Variants in SLC4A4 observed in about 807,000 individuals in gnomAD.
SLC4A4 encodes the protein solute carrier family 4 member 4, also known as electrogenic sodium bicarbonate cotransporter 1.
Under a neutral mutation model 111.5 loss-of-function variants are expected in SLC4A4, and 27 were observed. The observed-to-expected ratio is 0.24, with a 90% CI of 0.18 to 0.33. The LOEUF (loss-of-function observed/expected upper bound fraction) is 0.33. Ranked by LOEUF, SLC4A4 falls within the 10% of genes least tolerant of loss-of-function variation. SLC4A4 has a pLI of 1.00. For synonymous variants in SLC4A4, 443 were observed against 463.4 expected, an observed-to-expected ratio of 0.96 and a Z score of 0.57; for missense variants, 909 against 1,315.5, an observed-to-expected ratio of 0.69 and a Z score of 4.78.
chr4:71,177,608 C>T (rs1324286817), intron 2 of SLC4A4, among the ~76,000 whole-genome samples: 1 of 152,186 alleles, frequency 6.6e-6, no homozygotes, highest in African/African-American at 2.4e-5. Flanking sequence ...GTAAAGGGAT[C>T]AATTCAACAA....
chr4:71,178,078 T>C (rs939428521), intron 2 of SLC4A4, among the ~76,000 whole-genome samples: 4 of 152,130 alleles, frequency 2.6e-5, no homozygotes, highest in African/African-American at 7.2e-5. Context: ...CCTGAATGAC[T>C]ACTGGGTACA....
intron 2 of SLC4A4, among the ~76,000 whole-genome samples, chr4:71,168,254 T>A (rs1744838161): frequency 6.7e-6 from 1 of 149,960 alleles, no homozygotes; most frequent in Non-Finnish European, 1.5e-5. Context: ...CAATCTCGGT[T>A]CACCGTAACC....
At chr4:71,097,980 T>C (rs2148944466) in intron 2 of SLC4A4, among the ~76,000 whole-genome samples, 1 of 152,350 alleles carries the variant, frequency 6.6e-6, no homozygotes, top group South Asian at 2.1e-4. Context: ...GTTTGTTTAC[T>C]CTGTTGATAG....
intron 3 of SLC4A4, among the ~76,000 whole-genome samples, chr4:71,316,983 A>G (rs1726736406): frequency 6.6e-6 from 1 of 151,924 alleles, no homozygotes; most frequent in Non-Finnish European, 1.5e-5. Flanking sequence ...CAGCCACTCA[A>G]GTAACAGGCT....
Position 71,450,496 on chromosome 4 carries a change from A to G in SLC4A4, c.1161A>G (p.Pro387=). 6.2e-7 allele frequency: 1 copy of G among 1,613,890 alleles called. No individual in the cohort carries two copies. Among genetic ancestry groups the G allele is most frequent in the South Asian group, 1.1e-5 (1 of 91,078 alleles). ...TCCTTCCACCTGGGGAATGGGATCCAGCAATTAGGATAGAGCCTCCTAAGA... is the reference window on the plus strand; with the variant it reads ...TCCTTCCACCTGGGGAATGGGATCCGGCAATTAGGATAGAGCCTCCTAAGA... The part of the protein sequence containing the change: ...VIVLPPGEWD[P]AIRIEPPKSL... The change falls in exon 10 of 26, where the codon CCA becomes CCG. Residue 387 remains proline, a synonymous_variant. Coordinates refer to ENST00000264485, the MANE Select transcript of SLC4A4 (RefSeq NM_001098484.3).
At chr4:71,301,098 A>G in intron 3 of SLC4A4, 1 of 385,474 alleles carries the variant, frequency 2.6e-6, no homozygotes, top group Non-Finnish European at 5.2e-6. Context: ...CTGGAAGGAC[A>G]CCTGGCTGTC....
intron 3 of SLC4A4, among the ~76,000 whole-genome samples, chr4:71,302,939 C>G (rs1473526452): frequency 6.6e-6 from 1 of 152,162 alleles, no homozygotes; most frequent in Non-Finnish European, 1.5e-5. Flanking sequence ...TCCGTTATGT[C>G]TCCTTAGACT....
intron 2 of SLC4A4, among the ~76,000 whole-genome samples, chr4:71,156,605 C>A (rs1405349202): frequency 6.6e-6 from 1 of 150,944 alleles, no homozygotes; most frequent in African/African-American, 2.5e-5. Flanking sequence ...CACACACACA[C>A]ACACACACAT....
intron 2 of SLC4A4, among the ~76,000 whole-genome samples, chr4:71,138,652 C>G (rs1231240517): frequency 6.6e-6 from 1 of 152,198 alleles, no homozygotes; most frequent in Admixed American, 6.5e-5. Flanking sequence ...ACCTTTATCA[C>G]AGTGATTCAC....
chr4:71,117,763 A>C (rs75437667), intron 2 of SLC4A4, among the ~76,000 whole-genome samples: 3,152 of 152,242 alleles, frequency 0.021, 119 homozygotes, highest in African/African-American at 0.073. Flanking sequence ...CTCTCTCTAC[A>C]TATATATAGT....
chr4:71,396,831 T>A (rs1719860210), intron 6 of SLC4A4, among the ~76,000 whole-genome samples: 1 of 152,186 alleles, frequency 6.6e-6, no homozygotes, highest in Non-Finnish European at 1.5e-5. Flanking sequence ...TGCTATATGG[T>A]CAGGGAGATT....
intron 3 of SLC4A4, among the ~76,000 whole-genome samples, chr4:71,285,542 A>T (rs192782694): frequency 3.3e-5 from 5 of 152,304 alleles, no homozygotes; most frequent in Admixed American, 3.3e-4. Flanking sequence ...AAGTATGCTG[A>T]TGTTTAACCC....
At chr4:71,424,389 G>A (rs1233555090) in intron 7 of SLC4A4, among the ~76,000 whole-genome samples, 1 of 151,380 alleles carries the variant, frequency 6.6e-6, no homozygotes, top group Non-Finnish European at 1.5e-5. Context: ...TTACACTGTT[G>A]GTGGGACTGT....
chr4:71,174,547 C>T (rs62302430), intron 2 of SLC4A4, among the ~76,000 whole-genome samples: 2 of 151,918 alleles, frequency 1.3e-5, no homozygotes, highest in Non-Finnish European at 2.9e-5. Flanking sequence ...CGCACCTGGC[C>T]CACACACCAT....
At position 71,560,233 on chromosome 4, in the gene SLC4A4, T is replaced by G; in HGVS notation, c.3078T>G (p.Ser1026Arg). The G allele has an allele frequency of 2.5e-6, 4 of 1,609,198 alleles. No homozygotes were observed. The highest frequency in any genetic ancestry group is 3.4e-6 in the Non-Finnish European group (4 of 1,177,162). Reference protein sequence around the residue: ...DEKKKKKKKGSLDSDNDDSDC... With the variant: ...DEKKKKKKKGRLDSDNDDSDC... ...AGAAAAAGAAAAAGAAGAAGGGAAG[T>G]CTGGACAGTGACAATGATGATGTAA... Residue 1026 changes from serine to arginine, a missense_variant, in exon 23 of 26, where the codon AGT becomes AGG. Physicochemically the swap from Ser to Arg is moderately radical, Grantham distance 110. Transcript: ENST00000264485.
intron 2 of SLC4A4, among the ~76,000 whole-genome samples, chr4:71,156,577 C>T (rs1251926994): frequency 4.0e-5 from 4 of 99,010 alleles, no homozygotes; most frequent in African/African-American, 1.9e-4. Flanking sequence ...CGCGCATGCG[C>T]GCGCGCGCGC....
At chr4:71,181,851 C>T (rs1745304740) in intron 2 of SLC4A4, among the ~76,000 whole-genome samples, 1 of 152,192 alleles carries the variant, frequency 6.6e-6, no homozygotes, top group South Asian at 2.1e-4. Flanking sequence ...AACTCTATCA[C>T]ATCTCTGTGC....
At chr4:71,348,997 A>G (rs951488149) in intron 4 of SLC4A4, among the ~76,000 whole-genome samples, 15 of 152,208 alleles carry the variant, frequency 9.9e-5, no homozygotes, top group African/African-American at 3.4e-4. Flanking sequence ...TTTTGTTAGT[A>G]TCATGATGAA....
intron 12 of SLC4A4, among the ~76,000 whole-genome samples, chr4:71,457,701 A>G (rs1241421928): frequency 1.3e-5 from 2 of 152,032 alleles, no homozygotes; most frequent in Admixed American, 6.6e-5. Flanking sequence ...ATCCTAAATA[A>G]CGTGTCCCCT....
Sources: gnomAD v4.1 joint callset for allele counts (sites outside exome capture counted in the v4.1 genomes callset) on GRCh38, gnomAD v4.1.1 for gene constraint, MANE v1.5 for transcripts, NCBI Gene and HGNC (gene_info 2026-07-23, HGNC 2026-07-21) for gene names.